Variants in P3H2 observed in about 807,000 individuals in gnomAD.
The protein encoded by P3H2 is leprecan-like 1.
Under a neutral mutation model 87.0 loss-of-function variants are expected in P3H2, and 80 were observed. The ratio of observed to expected loss-of-function variants is 0.92; its 90% confidence interval spans 0.77 to 1.11. P3H2 has a LOEUF of 1.11. Ranked by LOEUF, P3H2 falls within the 50% of genes least tolerant of loss-of-function variation. The pLI is 0.00. For synonymous variants in P3H2, 367 were observed against 359.3 expected (o/e 1.02, Z -0.24); for missense variants, 1,001 against 923.9 (o/e 1.08, Z -1.08).
At chr3:190,094,741 C>T (rs1306010452) in intron 1 of P3H2, among the ~76,000 whole-genome samples, 3 of 152,278 alleles carry the variant, frequency 2.0e-5, no homozygotes, top group African/African-American at 7.2e-5. Flanking sequence ...CCGCAAAACA[C>T]CTAACACAGC....
At chr3:190,017,960 C>T (rs1227231830) in intron 1 of P3H2, among the ~76,000 whole-genome samples, 3 of 152,170 alleles carry the variant, frequency 2.0e-5, no homozygotes, top group Admixed American at 2.0e-4. Context: ...TACAACAGAT[C>T]TGAGCACGTC....
At chr3:189,985,908 C>CT in intron 6 of P3H2, among the ~76,000 whole-genome samples, 1 of 151,954 alleles carries the variant, frequency 6.6e-6, no homozygotes, top group East Asian at 1.9e-4. Context: ...CTAAAAATAC[C>CT]TTTTAAAGCT....
At chr3:190,086,829 G>T (rs1727227422) in intron 1 of P3H2, among the ~76,000 whole-genome samples, 1 of 152,162 alleles carries the variant, frequency 6.6e-6, no homozygotes, top group Non-Finnish European at 1.5e-5. Flanking sequence ...GAAGAGAGAA[G>T]AAATCTGAAA....
At chr3:190,114,067 G>A (rs1314172964) in intron 1 of P3H2, among the ~76,000 whole-genome samples, 4 of 101,424 alleles carry the variant, frequency 3.9e-5, no homozygotes, top group Non-Finnish European at 7.8e-5. Context: ...GCGACAGAGT[G>A]AGACTCCGTC....
intron 14 of P3H2, among the ~76,000 whole-genome samples, chr3:189,959,209 G>C (rs1175502703): frequency 2.2e-5 from 3 of 137,070 alleles, no homozygotes; most frequent in Non-Finnish European, 4.7e-5. Flanking sequence ...CTTATAAGAA[G>C]TTGCTTTACA....
intron 1 of P3H2, among the ~76,000 whole-genome samples, chr3:190,046,926 G>A (rs1451578804): frequency 2.0e-5 from 3 of 151,992 alleles, no homozygotes; most frequent in Non-Finnish European, 4.4e-5. Flanking sequence ...TACAGCAAAG[G>A]AAACAATCAA....
In P3H2 at chr3:189,963,942, C is replaced by T. The variant is rs370823745; in HGVS notation, c.2034+16G>A. 275 of 1,613,838 alleles carry T rather than the reference C, an allele frequency of 1.7e-4. 1 individual carries two copies. The South Asian group carries it at 1.9e-3, about 11-fold the overall frequency. ...AAGCAAGCCTAATTGGCTTTCTGGG[C>T]GGGTGAGAAACTCACCAATTCTCTA... On this transcript the variant is annotated intron_variant, in intron 14 of 14. Coordinates refer to ENST00000319332, the MANE Select transcript of P3H2 (RefSeq NM_018192.4).
At chr3:189,979,104 A>C (rs1466026265) in intron 8 of P3H2, among the ~76,000 whole-genome samples, 1 of 152,084 alleles carries the variant, frequency 6.6e-6, no homozygotes, top group Non-Finnish European at 1.5e-5. Context: ...CAATCCCTAT[A>C]TGAGTACAGC....
intron 1 of P3H2, among the ~76,000 whole-genome samples, chr3:190,089,520 G>A (rs1727342328): frequency 6.6e-6 from 1 of 152,166 alleles, no homozygotes; most frequent in Non-Finnish European, 1.5e-5. Context: ...CCTTCCTTGT[G>A]ACCTTCTGTT....
At chr3:190,009,470 C>A (rs1475997855) in intron 1 of P3H2, among the ~76,000 whole-genome samples, 2 of 152,184 alleles carry the variant, frequency 1.3e-5, no homozygotes, top group African/African-American at 4.8e-5. Flanking sequence ...CTCCACCTGG[C>A]CCTGAATGCT....
intron 1 of P3H2, among the ~76,000 whole-genome samples, chr3:190,050,380 T>C (rs547256371): frequency 3.5e-4 from 53 of 152,324 alleles, no homozygotes; most frequent in African/African-American, 1.3e-3. Flanking sequence ...ACAGCTCTAG[T>C]TCTTAAATGA....
chr3:190,010,362 A>C (rs899630213), intron 1 of P3H2, among the ~76,000 whole-genome samples: 1 of 152,194 alleles, frequency 6.6e-6, no homozygotes, highest in Non-Finnish European at 1.5e-5. Context: ...CAAAATTCTT[A>C]TGTACTAACA....
intron 1 of P3H2, among the ~76,000 whole-genome samples, chr3:190,010,412 C>T (rs185652692): frequency 6.6e-6 from 1 of 152,256 alleles, no homozygotes; most frequent in East Asian, 1.9e-4. Context: ...GAGATGAAAC[C>T]TCTAAAGAAG....
chr3:189,971,126 G>A (rs1249803459), intron 12 of P3H2, among the ~76,000 whole-genome samples: 1 of 152,174 alleles, frequency 6.6e-6, no homozygotes, highest in Non-Finnish European at 1.5e-5. Flanking sequence ...ATATGTCAAA[G>A]CTTGTCTCAC....
chr3:190,040,587 A>C (rs1442108238), intron 1 of P3H2, among the ~76,000 whole-genome samples: 1 of 152,222 alleles, frequency 6.6e-6, no homozygotes, highest in Non-Finnish European at 1.5e-5. Context: ...TCACAAACAT[A>C]GACAGTAGTG....
At chr3:190,108,116 C>A (rs1482987261) in intron 1 of P3H2, among the ~76,000 whole-genome samples, 1 of 151,816 alleles carries the variant, frequency 6.6e-6, no homozygotes, top group Non-Finnish European at 1.5e-5. Context: ...CTAAAAATTA[C>A]CAGTATTTTT....
At chr3:189,969,639 G>A (rs1221253531) in intron 13 of P3H2, 1 of 1,187,484 alleles carries the variant, frequency 8.4e-7, no homozygotes, top group African/African-American at 1.5e-5. Context: ...ATGGTCGCCT[G>A]GTAGTTGACC....
At chr3:190,095,436 G>T (rs1420603563) in intron 1 of P3H2, among the ~76,000 whole-genome samples, 1 of 145,970 alleles carries the variant, frequency 6.9e-6, no homozygotes, top group Non-Finnish European at 1.5e-5. Context: ...TTACAATTCT[G>T]CAATGTAAGC....
chr3:190,028,638 T>C (rs963115957), intron 1 of P3H2, among the ~76,000 whole-genome samples: 7 of 152,264 alleles, frequency 4.6e-5, no homozygotes, highest in African/African-American at 1.7e-4. Context: ...CATTGAATGC[T>C]GTCAGAATTA....
Sources: gnomAD v4.1 joint callset for allele counts (sites outside exome capture counted in the v4.1 genomes callset) on GRCh38, gnomAD v4.1.1 for gene constraint, MANE v1.5 for transcripts, NCBI Gene and HGNC (gene_info 2026-07-23, HGNC 2026-07-21) for gene names.